Variants in LIN37 observed in about 807,000 individuals in gnomAD.
LIN37 encodes the protein lin-37 DREAM MuvB core complex component, also known as protein lin-37 homolog.
LIN37 carries 21 observed loss-of-function variants against 38.0 expected under a neutral mutation model. The observed-to-expected ratio is 0.55, with a 90% CI of 0.39 to 0.80. The LOEUF is 0.80. LIN37 is among the 30% of genes least tolerant of loss of function. The probability of loss-of-function intolerance (pLI) is 0.00; values close to 1 mark genes in which losing one functional copy is unlikely to be tolerated. For missense variants in LIN37, 273 were observed against 338.5 expected (o/e 0.81, Z 1.52); for synonymous variants, 126 against 122.9 (o/e 1.03, Z -0.17).
chr19:35,748,859 T>G, intron 1 of LIN37, 101 bp downstream of exon 1: 3 of 1,602,184 alleles, frequency 1.9e-6, no homozygotes, highest in Non-Finnish European at 2.6e-6. Context: ...GCACGACTTT[T>G]CCCTGAAGCC....
intron 1 of LIN37, among the ~76,000 whole-genome samples, chr19:35,749,956 C>T (rs568312058): frequency 6.0e-4 from 92 of 152,174 alleles, no homozygotes; most frequent in African/African-American, 2.1e-3. Flanking sequence ...ATGGAAGTTT[C>T]CAAGCAAGGG....
In LIN37 at chr19:35,752,419, C is replaced by T; in HGVS notation, c.111-15C>T. On this transcript the variant is annotated splice_polypyrimidine_tract_variant and intron_variant, in intron 2 of 8. Transcript: ENST00000301159. ...GCCCTGGAACCCTGAGCTGAGAGATCTCTTCTGCCTCTAGGGAGCGTCTGG... is the reference window on the plus strand; with the variant it reads ...GCCCTGGAACCCTGAGCTGAGAGATTTCTTCTGCCTCTAGGGAGCGTCTGG... 1 of 1,613,856 alleles carries T rather than the reference C, an allele frequency of 6.2e-7. No homozygotes were observed. The highest frequency in any genetic ancestry group is 8.5e-7 in the Non-Finnish European group (1 of 1,179,766).
intron 1 of LIN37, 144 bp from the exon 2 acceptor site, chr19:35,752,032 G>T (rs2146526340): frequency 1.1e-5 from 7 of 624,560 alleles, no homozygotes; most frequent in East Asian, 8.3e-5. Flanking sequence ...AGCCATCTCT[G>T]CCTGTTGCAC....
At chr19:35,751,941 G>T in intron 1 of LIN37, 1 of 412,416 alleles carries the variant, frequency 2.4e-6, no homozygotes, top group Non-Finnish European at 4.4e-6. Context: ...AGGCTCATAA[G>T]GTAAGGTGAT....
chr19:35,749,188 C>T (rs985685372), intron 1 of LIN37, among the ~76,000 whole-genome samples: 2 of 152,122 alleles, frequency 1.3e-5, no homozygotes, highest in Admixed American at 1.3e-4. Context: ...TCCCCGCGCC[C>T]AGCCGAGAAG....
At chr19:35,754,364 A>G in intron 8 of LIN37, 29 bp from the exon 9 acceptor site, 1 of 1,613,972 alleles carries the variant, frequency 6.2e-7, no homozygotes. Context: ...GCCCTTTGCA[A>G]CTGCTGAGTC....
intron 1 of LIN37, among the ~76,000 whole-genome samples, chr19:35,750,896 G>T (rs767648776): frequency 1.3e-5 from 2 of 152,052 alleles, no homozygotes; most frequent in Non-Finnish European, 2.9e-5. Context: ...AGGAGGCAGA[G>T]GTTGCAGTGA....
chr19:35,754,152 G>A lies in LIN37; in HGVS notation c.580G>A (p.Asp194Asn), dbSNP rs375649208. 65 of 1,613,848 alleles carry A rather than the reference G, an allele frequency of 4.0e-5. No individual in the cohort carries two copies. Among genetic ancestry groups the A allele is most frequent in the Middle Eastern group, 1.6e-4 (1 of 6,084 alleles). ...LQPEMQGTPD[D>N]EPSEPEPSPS... ...GCCTGAGATGCAGGGCACCCCTGAC[G>A]ATGAGGTGAGTATGCCAGGCTGGCC... is the stretch of plus-strand genomic sequence containing the variant. The change falls in exon 7 of 9, where the codon GAT becomes AAT. Residue 194 changes from aspartate (D) to asparagine (N), a missense_variant. By Grantham distance (23) the Asp-to-Asn change is conservative. Transcript: ENST00000301159.
chr19:35,754,346 C>T (rs1970724930), intron 8 of LIN37, 27 bp downstream of exon 8: 2 of 1,613,976 alleles, frequency 1.2e-6, no homozygotes, highest in East Asian at 2.2e-5. Flanking sequence ...CTGCTTGCCC[C>T]TCGTAGGGCC....
intron 6 of LIN37, 103 bp from the exon 7 acceptor site, chr19:35,753,914 C>T (rs1970715600): frequency 7.3e-7 from 1 of 1,377,588 alleles, no homozygotes; most frequent in Non-Finnish European, 1.0e-6. Context: ...TAGCGAGCCC[C>T]TCATGCCATT....
chr19:35,754,021 C>T lies in LIN37; in HGVS notation c.449C>T (p.Ser150Leu). The stretch of plus-strand genomic sequence containing the variant: ...ATGGGGCCCTTGTGTCCCCAGGGCT[C>T]AGAGGTAACCAACAGCAAGAGTCGT... ...LPPLPEDEEGSEVTNSKSRDV... is the reference protein window; with the variant it reads ...LPPLPEDEEGLEVTNSKSRDV... The change falls in exon 7 of 9, where the codon TCA becomes TTA. Residue 150 changes from serine to leucine, a missense_variant. By Grantham distance (145) the Ser-to-Leu change is moderately radical (BLOSUM62 -2). Coordinates refer to ENST00000301159, the MANE Select transcript of LIN37 (RefSeq NM_019104.3). 1.2e-6 allele frequency: 2 copies of T among 1,613,414 alleles called. No individual in the cohort carries two copies. The highest frequency in any genetic ancestry group is 1.7e-6 in the Non-Finnish European group (2 of 1,179,774).
At chr19:35,754,197 C>G (rs569066831) in intron 7 of LIN37, 40 bp downstream of exon 7, 3 of 1,613,928 alleles carry the variant, frequency 1.9e-6, no homozygotes, top group Non-Finnish European at 1.7e-6. Context: ...GGGGCACATG[C>G]GGTAGGGCTC....
chr19:35,753,825 G>A (rs1295846447), intron 6 of LIN37, 192 bp from the exon 7 acceptor site: 2 of 621,116 alleles, frequency 3.2e-6, no homozygotes, highest in South Asian at 2.0e-5. Flanking sequence ...AGAAGACAGG[G>A]GTCCCTGGGG....
intron 3 of LIN37, 46 bp from the exon 4 acceptor site, chr19:35,752,758 G>T (rs377007144): frequency 6.2e-7 from 1 of 1,600,380 alleles, no homozygotes; most frequent in South Asian, 1.1e-5. Context: ...CCTCTGCAGG[G>T]TTTTGCACAG....
intron 1 of LIN37, chr19:35,748,982 C>T (rs1970641862): frequency 7.1e-7 from 1 of 1,400,456 alleles, no homozygotes; most frequent in Non-Finnish European, 9.3e-7. Flanking sequence ...CAATGACGTG[C>T]GTGGTAGGAC....
At chr19:35,751,604 C>G (rs1043460312) in intron 1 of LIN37, among the ~76,000 whole-genome samples, 1 of 152,080 alleles carries the variant, frequency 6.6e-6, no homozygotes, top group Admixed American at 6.6e-5. Context: ...GAGGCTGAGA[C>G]AGCAGGACCG....
chr19:35,754,518 C>A lies in LIN37; in HGVS notation c.*44C>A. The A allele has an allele frequency of 6.4e-7, 1 of 1,559,506 alleles. No homozygotes were observed. Among genetic ancestry groups the A allele is most frequent in the East Asian group, 2.2e-5 (1 of 44,568 alleles). ...CACCAGTAAACATCCCCCAGCTCCA[C>A]ACTGGTGTCTGCTCCGGTCCCTCCT... On this transcript the variant is annotated 3_prime_UTR_variant, in exon 9 of 9. Coordinates refer to ENST00000301159, the MANE Select transcript of LIN37 (RefSeq NM_019104.3).
chr19:35,749,620 G>A lies in LIN37; in HGVS notation c.34+862G>A, dbSNP rs187982897. Among the ~76,000 whole-genome samples, 876 of 144,614 alleles carry A rather than the reference G, an allele frequency of 6.1e-3. 11 individuals are homozygous for A. The highest frequency in any genetic ancestry group is 9.6e-3 in the Non-Finnish European group (640 of 66,730). 94.9% of individuals were successfully genotyped at this position (144,614 alleles called of 152,430 possible). On this transcript the variant is annotated intron_variant, in intron 1 of 8. Coordinates refer to ENST00000301159, the MANE Select transcript of LIN37 (RefSeq NM_019104.3). ...ACCAGCCTGGGCAACATAGCGAAAC[G>A]CTGTCTCTATAAAAAATACAAAAAA...
chr19:35,754,377 C>T lies in LIN37; in HGVS notation c.660-16C>T. The T allele has an allele frequency of 6.2e-7, 1 of 1,613,888 alleles. No individual in the cohort carries two copies. The highest frequency in any genetic ancestry group is 1.1e-5 in the South Asian group (1 of 91,082). On this transcript the variant is annotated splice_polypyrimidine_tract_variant and intron_variant, in intron 8 of 8. Coordinates refer to ENST00000301159, the MANE Select transcript of LIN37 (RefSeq NM_019104.3). ...GGGCCCTTTGCAACTGCTGAGTCTC[C>T]CCTCTGCCTCCCCAGGTGGAAGGAG...
Sources: allele counts gnomAD v4.1 joint callset (sites outside exome capture counted in the v4.1 genomes callset), GRCh38; gene constraint gnomAD v4.1.1; transcripts MANE v1.5; gene names NCBI Gene and HGNC (gene_info 2026-07-23, HGNC 2026-07-21).